Variants in SFI1 observed in about 807,000 individuals in gnomAD.
SFI1 encodes SFI1 centrin binding protein, also known as protein SFI1 homolog.
SFI1 carries 195 observed loss-of-function variants against 207.5 expected under a neutral mutation model. The ratio of observed to expected loss-of-function variants is 0.94; its 90% CI spans 0.84 to 1.06. The LOEUF is 1.06. Ranked by LOEUF, SFI1 falls within the 50% of genes least tolerant of loss-of-function variation. The probability of loss-of-function intolerance (pLI) is 0.00; values close to 1 mark genes in which losing one functional copy is unlikely to be tolerated. For missense variants in SFI1, 1,634 were observed against 1,588.0 expected (o/e 1.03, Z -0.49); for synonymous variants, 630 against 598.9 (o/e 1.05, Z -0.76).
chr22:31,570,357 T>C (rs1602974845), intron 8 of SFI1, among the ~76,000 whole-genome samples: 3 of 152,256 alleles, frequency 2.0e-5, no homozygotes, highest in African/African-American at 7.2e-5. Context: ...GCCTAAGCAG[T>C]TGGAACAATG....
At chr22:31,506,297 C>T (rs1016503234) in intron 1 of SFI1, among the ~76,000 whole-genome samples, 6 of 152,064 alleles carry the variant, frequency 3.9e-5, no homozygotes, top group Non-Finnish European at 7.4e-5. Flanking sequence ...ATCTGCCCGA[C>T]TCAGCCTCCC....
In SFI1 at chr22:31,604,391, T is replaced by A. The variant is rs774435602; in HGVS notation, c.1964T>A (p.Leu655Gln). 3.9e-6 allele frequency: 6 copies of A among 1,547,804 alleles called. No homozygotes were observed. The highest frequency in any genetic ancestry group is 1.8e-4 in the Middle Eastern group (1 of 5,464). The change falls in exon 19 of 33, where the codon CTG (leucine) becomes CAG (glutamine). Residue 655 changes from leucine to glutamine, a missense_variant. Transcript: ENST00000400288. The part of the protein sequence containing the change: ...HHQHSVLHRA[L>Q]QAWVTYQGRV... The stretch of plus-strand genomic sequence containing the variant: ...CAGCACAGCGTGCTGCACAGGGCGC[T>A]GCAGGCATGGGTGGTAGGAACTGCT...
intron 1 of SFI1, among the ~76,000 whole-genome samples, chr22:31,502,806 A>G (rs917985701): frequency 6.6e-6 from 1 of 151,982 alleles, no homozygotes; most frequent in African/African-American, 2.4e-5. Context: ...TTGTCTGTTT[A>G]TACTTAAGTG....
chr22:31,549,086 G>C (rs1358504018), intron 5 of SFI1, among the ~76,000 whole-genome samples: 3 of 151,442 alleles, frequency 2.0e-5, no homozygotes, highest in African/African-American at 7.3e-5. Context: ...CCAGGAGTTC[G>C]AGACCAGCCT....
At chr22:31,530,014 C>T (rs2058317398) in intron 3 of SFI1, among the ~76,000 whole-genome samples, 1 of 148,508 alleles carries the variant, frequency 6.7e-6, no homozygotes, top group African/African-American at 2.5e-5. Flanking sequence ...ACTAAAAATA[C>T]AAAAAATTAA....
At chr22:31,607,305 A>G (rs1449766590) in intron 21 of SFI1, among the ~76,000 whole-genome samples, 1 of 152,166 alleles carries the variant, frequency 6.6e-6, no homozygotes, top group Admixed American at 6.5e-5. Flanking sequence ...TGTTCCATTT[A>G]CTAAATAGTA....
chr22:31,594,207 C>G lies in SFI1; in HGVS notation c.1544+4630C>G, dbSNP rs532568336. Among the ~76,000 whole-genome samples, 8 of 152,290 alleles carry G rather than the reference C, an allele frequency of 5.3e-5. No homozygotes were observed. The East Asian group carries it at 1.4e-3, about 26-fold the overall frequency. On this transcript the variant is annotated intron_variant, in intron 15 of 32. Coordinates refer to ENST00000400288, the MANE Select transcript of SFI1 (RefSeq NM_001007467.3). The stretch of plus-strand genomic sequence containing the variant: ...TTCCCCGAAACACTTAGTTCCTGTT[C>G]TGCTAGACCTGGCTTTTTGAAGTCT...
At chr22:31,562,896 T>C (rs1032529258) in intron 8 of SFI1, among the ~76,000 whole-genome samples, 3 of 151,980 alleles carry the variant, frequency 2.0e-5, no homozygotes, top group Admixed American at 2.0e-4. Flanking sequence ...CCTCCCAAAG[T>C]ACTGGTATTA....
chr22:31,616,607 T>C (rs1231469649), intron 29 of SFI1, 138 bp from the exon 30 acceptor site: 1 of 919,590 alleles, frequency 1.1e-6, no homozygotes, highest in Non-Finnish European at 1.6e-6. Context: ...GGCCAGTGCC[T>C]GGGAAGCCCA....
intron 14 of SFI1, among the ~76,000 whole-genome samples, chr22:31,586,931 G>C (rs1278501670): frequency 6.6e-6 from 1 of 152,108 alleles, no homozygotes; most frequent in Non-Finnish European, 1.5e-5. Flanking sequence ...CTAACAATCT[G>C]AATATCACCT....
intron 15 of SFI1, among the ~76,000 whole-genome samples, chr22:31,598,153 ATTT>A (rs554085241): frequency 2.9e-5 from 4 of 138,178 alleles, no homozygotes; most frequent in Admixed American, 7.3e-5. Context: ...AATTTTTTGT[ATTT>A]TTTTTTTTTT....
chr22:31,553,836 A>ATTTTTTTTTTTT (rs1201513765), intron 6 of SFI1, among the ~76,000 whole-genome samples: 1 of 21,954 alleles, frequency 4.6e-5, no homozygotes, highest in African/African-American at 1.4e-4. Flanking sequence ...TTAATGGATT[A>ATTTTTTTTTTTT]TGTTTTTTTT....
chr22:31,530,507 A>AAAAAAAG (rs1420049298), intron 3 of SFI1: 1 of 315,748 alleles, frequency 3.2e-6, no homozygotes, highest in Non-Finnish European at 6.4e-6. Context: ...AAAAAAAAAA[A>AAAAAAAG]AAAAAAGACA....
chr22:31,590,951 T>TTTATTTA (rs2065781324), intron 15 of SFI1, among the ~76,000 whole-genome samples: 1 of 144,278 alleles, frequency 6.9e-6, no homozygotes, highest in East Asian at 2.0e-4. Flanking sequence ...ACTTTTTTCT[T>TTTATTTA]TTTATTTATT....
intron 1 of SFI1, among the ~76,000 whole-genome samples, chr22:31,505,456 AAG>A (rs67271080): frequency 0.21 from 31,780 of 149,996 alleles, 4,333 homozygotes; most frequent in East Asian, 0.43. Flanking sequence ...GAAAAAGAAA[AAG>A]AAAAAATGAA....
rs1433967877 is a variant in SFI1 at position 31,573,089 on chromosome 22, A to G, written c.797A>G (p.Tyr266Cys). 6 of 1,612,124 alleles carry G rather than the reference A, an allele frequency of 3.7e-6. No homozygotes were observed. The African/African-American group carries it at 8.0e-5, about 22-fold the overall frequency. Reference sequence around the variant, plus strand: ...TCACAGTGGCGGGAACAGCTCCTGTATGTCCAGAAGGAGAAACAAAAGGTT... The same window carrying G: ...TCACAGTGGCGGGAACAGCTCCTGTGTGTCCAGAAGGAGAAACAAAAGGTT... Reference protein sequence around the residue: ...AWSQWREQLLYVQKEKQKVVS... With the variant: ...AWSQWREQLLCVQKEKQKVVS... Residue 266 changes from tyrosine to cysteine, a missense_variant, in exon 9 of 33, where the codon TAT becomes TGT. Transcript: ENST00000400288.
Position 31,561,372 on chromosome 22 carries a change from G to T in SFI1, c.745G>T (p.Ala249Ser), listed in dbSNP as rs202114283. Residue 249 changes from alanine (A) to serine (S), a missense_variant, in exon 8 of 33, where the codon GCC becomes TCC. Coordinates refer to ENST00000400288, the MANE Select transcript of SFI1 (RefSeq NM_001007467.3). Reference sequence around the variant, plus strand: ...CCATGCCTCTGCTTTGAAGCACAGGGCCCTGAGCCTCCAGGTGCAGGTGAG... The same window carrying T: ...CCATGCCTCTGCTTTGAAGCACAGGTCCCTGAGCCTCCAGGTGCAGGTGAG... The part of the protein sequence containing the change: ...ALHASALKHR[A>S]LSLQVQAWSQ... 7 of 1,613,856 alleles carry T rather than the reference G, an allele frequency of 4.3e-6. No individual in the cohort carries two copies. In the Admixed American group the frequency reaches 1.0e-4, roughly 23 times the overall value.
intron 22 of SFI1, among the ~76,000 whole-genome samples, chr22:31,608,709 A>C (rs1849336372): frequency 6.6e-6 from 1 of 152,038 alleles, no homozygotes; most frequent in Non-Finnish European, 1.5e-5. Context: ...TTTTGATGGG[A>C]AAGTCCTTGC....
At chr22:31,546,838 A>T (rs1356729826) in intron 4 of SFI1, 23 bp from the exon 5 acceptor site, 1 of 1,441,766 alleles carries the variant, frequency 6.9e-7, no homozygotes, top group African/African-American at 1.4e-5. Flanking sequence ...TCATATATAT[A>T]TATGATTTTT....
Sources: allele counts gnomAD v4.1 joint callset (sites outside exome capture counted in the v4.1 genomes callset), GRCh38; gene constraint gnomAD v4.1.1; transcripts MANE v1.5; gene names NCBI Gene and HGNC (gene_info 2026-07-23, HGNC 2026-07-21).